Variants in AGBL1 observed in about 807,000 individuals in gnomAD.
AGBL1 encodes the protein AGBL carboxypeptidase 1, also known as cytosolic carboxypeptidase 4.
AGBL1 carries 130 observed loss-of-function variants against 118.9 expected under a neutral mutation model. That is an observed-to-expected ratio of 1.09 (90% CI 0.95 to 1.26). AGBL1 has a LOEUF of 1.26. AGBL1 is among the 50% of genes most tolerant of loss of function. The pLI, the probability that AGBL1 is intolerant of heterozygous loss-of-function variation, is 0.00. For synonymous variants in AGBL1, 555 were observed against 478.9 expected (o/e 1.16, Z -2.08); for missense variants, 1,584 against 1,298.1 (o/e 1.22, Z -3.38).
chr15:86,980,873 T>C (rs2081225186), intron 23 of AGBL1, among the ~76,000 whole-genome samples: 1 of 149,640 alleles, frequency 6.7e-6, no homozygotes, highest in Non-Finnish European at 1.5e-5. Context: ...TAAATAGTGC[T>C]TCAGAAACAT....
At chr15:86,904,984 A>G (rs1886412498) in intron 22 of AGBL1, among the ~76,000 whole-genome samples, 1 of 151,912 alleles carries the variant, frequency 6.6e-6, no homozygotes, top group Non-Finnish European at 1.5e-5. Context: ...TGTTAATGAT[A>G]AAAATAAATT....
chr15:87,025,129 G>T lies in AGBL1; in HGVS notation c.3324-3696G>T, dbSNP rs142115039. Among the ~76,000 whole-genome samples the T allele has an allele frequency of 3.3e-3, 500 of 152,126 alleles. 6 individuals carry two copies. The highest frequency in any genetic ancestry group is 0.011 in the African/African-American group (463 of 41,534). ...AACTTAGTACTGGACATCCTAGCCA[G>T]AGAAATTAGATAAGAGAAAGAAATA... On this transcript the variant is annotated intron_variant, in intron 24 of 24. Coordinates refer to the AGBL1 transcript ENST00000441037.
At chr15:86,867,826 T>A (rs1301939664) in intron 22 of AGBL1, among the ~76,000 whole-genome samples, 1 of 152,184 alleles carries the variant, frequency 6.6e-6, no homozygotes, top group African/African-American at 2.4e-5. Flanking sequence ...ACTTTAAAGA[T>A]CTGAGGTACT....
rs114760330 is a variant in AGBL1 at position 86,794,552 on chromosome 15, G to A, written c.3159-112535G>A. ...CGGATAATTGCAAAGCATTGTGAGC[G>A]CAGTAAAAGCTACTGAATTGTACAC... On this transcript the variant is annotated intron_variant, in intron 22 of 22. Coordinates refer to ENST00000614907, the MANE Select transcript of AGBL1 (RefSeq NM_001386094.1). Among the ~76,000 whole-genome samples the A allele has an allele frequency of 3.3e-3, 500 of 152,084 alleles. 3 individuals carry two copies. Among genetic ancestry groups the A allele is most frequent in the African/African-American group, 0.011 (459 of 41,486 alleles).
chr15:86,878,896 G>A (rs974313593), intron 22 of AGBL1, among the ~76,000 whole-genome samples: 3 of 152,204 alleles, frequency 2.0e-5, no homozygotes, highest in African/African-American at 7.2e-5. Context: ...ACAGCCACTG[G>A]GATGGGATTC....
intron 24 of AGBL1, among the ~76,000 whole-genome samples, chr15:86,990,139 GA>G (rs2081323698): frequency 6.6e-6 from 1 of 152,164 alleles, no homozygotes; most frequent in Non-Finnish European, 1.5e-5. Context: ...AAGCGTATAA[GA>G]AAGCAAAATC....
intron 23 of AGBL1, among the ~76,000 whole-genome samples, chr15:86,937,588 G>T (rs2141647308): frequency 6.6e-6 from 1 of 152,314 alleles, no homozygotes; most frequent in East Asian, 1.9e-4. Context: ...ATAAGTGGGA[G>T]CTAAATGATG....
At chr15:86,385,726 A>C (rs1232735908) in intron 17 of AGBL1, among the ~76,000 whole-genome samples, 1 of 152,144 alleles carries the variant, frequency 6.6e-6, no homozygotes, top group South Asian at 2.1e-4. Flanking sequence ...CTGCCACTTC[A>C]TGGATGAAGA....
intron 17 of AGBL1, among the ~76,000 whole-genome samples, chr15:86,340,689 G>C (rs1180925686): frequency 6.6e-6 from 1 of 152,172 alleles, no homozygotes; most frequent in Non-Finnish European, 1.5e-5. Context: ...GTGGTAATTT[G>C]TTATGGTAGT....
intron 17 of AGBL1, among the ~76,000 whole-genome samples, chr15:86,346,354 C>A (rs780695576): frequency 7.2e-6 from 1 of 138,442 alleles, no homozygotes; most frequent in Non-Finnish European, 1.6e-5. Context: ...TTTTCTTTTT[C>A]TTTTTTTTTT....
At chr15:86,262,062 G>T (rs2078995936) in intron 9 of AGBL1, among the ~76,000 whole-genome samples, 1 of 68,590 alleles carries the variant, frequency 1.5e-5, no homozygotes, top group African/African-American at 4.6e-5. Context: ...TCACTGCTAG[G>T]CCTATGCATA....
intron 18 of AGBL1, among the ~76,000 whole-genome samples, chr15:86,510,138 C>G (rs1469116594): frequency 1.3e-5 from 2 of 152,066 alleles, no homozygotes; most frequent in African/African-American, 4.8e-5. Context: ...AAGACCCAAT[C>G]AGCAGAAATT....
At chr15:87,009,907 A>C (rs967367217) in intron 24 of AGBL1, among the ~76,000 whole-genome samples, 21 of 152,322 alleles carry the variant, frequency 1.4e-4, no homozygotes, top group Middle Eastern at 6.8e-3. Flanking sequence ...TATTTTATCA[A>C]GGAAGTAACT....
intron 17 of AGBL1, among the ~76,000 whole-genome samples, chr15:86,325,570 G>A (rs1018212263): frequency 6.6e-6 from 1 of 152,148 alleles, no homozygotes; most frequent in Non-Finnish European, 1.5e-5. Flanking sequence ...CACACATGGG[G>A]AGTCTTCGCC....
intron 22 of AGBL1, among the ~76,000 whole-genome samples, chr15:86,732,998 CTT>C (rs2077546491): frequency 6.7e-6 from 1 of 148,436 alleles, no homozygotes; most frequent in African/African-American, 2.5e-5. Context: ...GGCTATATAT[CTT>C]ATATATAATA....
At chr15:86,829,633 C>T (rs1172111588) in intron 22 of AGBL1, among the ~76,000 whole-genome samples, 1 of 152,058 alleles carries the variant, frequency 6.6e-6, no homozygotes, top group African/African-American at 2.4e-5. Flanking sequence ...ACACAGGCTT[C>T]TGGGCTTTGA....
intron 18 of AGBL1, among the ~76,000 whole-genome samples, chr15:86,404,065 A>G (rs1051460345): frequency 1.3e-5 from 2 of 152,178 alleles, no homozygotes; most frequent in Non-Finnish European, 2.9e-5. Context: ...ATTTTGGTCT[A>G]TCAGGTCTTC....
chr15:86,633,799 G>GTATA (rs201666226), intron 21 of AGBL1, among the ~76,000 whole-genome samples: 2 of 86,806 alleles, frequency 2.3e-5, no homozygotes, highest in African/African-American at 7.0e-5. Flanking sequence ...TATATATAAT[G>GTATA]TATATATATA....
At chr15:86,996,286 G>T (rs1054251415) in intron 24 of AGBL1, among the ~76,000 whole-genome samples, 1 of 152,078 alleles carries the variant, frequency 6.6e-6, no homozygotes, top group African/African-American at 2.4e-5. Context: ...TTCTTCCCAG[G>T]AATTCCAGAA....
Sources: allele counts gnomAD v4.1 joint callset (sites outside exome capture counted in the v4.1 genomes callset), GRCh38; gene constraint gnomAD v4.1.1; transcripts MANE v1.5; gene names NCBI Gene and HGNC (gene_info 2026-07-23, HGNC 2026-07-21).